The following FOCAD variants were observed in gnomAD, a reference collection of about 807,000 sequenced individuals.
The protein encoded by FOCAD is focadhesin, also known as KIAA1797.
In FOCAD, 198 loss-of-function variants were observed where a neutral mutation model predicts 225.6. The ratio of observed to expected loss-of-function variants is 0.88; its 90% confidence interval spans 0.78 to 0.99. FOCAD has a LOEUF of 0.99. FOCAD is among the 50% of genes least tolerant of loss of function. The probability of loss-of-function intolerance (pLI) is 0.00; values close to 1 mark genes in which losing one functional copy is unlikely to be tolerated. For missense variants in FOCAD, 2,713 were observed against 2,123.6 expected (o/e 1.28, Z -5.46); for synonymous variants, 897 against 755.0 (o/e 1.19, Z -3.08).
At chr9:20,755,067 G>T (rs765190164) in intron 5 of FOCAD, among the ~76,000 whole-genome samples, 1 of 152,144 alleles carries the variant, frequency 6.6e-6, no homozygotes, top group Non-Finnish European at 1.5e-5. Context: ...TGGTATGTTA[G>T]TAATCAAATG....
rs567635219 is a variant in FOCAD at position 20,809,602 on chromosome 9, A to G, written c.1456-10194A>G. On this transcript the variant is annotated intron_variant, in intron 11 of 43. Transcript: ENST00000338382. ...TTTTGTATACCTCAAAGACTATCTT[A>G]AAATGTTTCCTTGTTCTTTTGTCTT... is the stretch of plus-strand genomic sequence containing the variant. Among the ~76,000 whole-genome samples, 4 of 152,300 alleles carry G rather than the reference A, an allele frequency of 2.6e-5. No individual in the cohort carries two copies. In the East Asian group the frequency reaches 7.7e-4, roughly 29 times the overall value.
chr9:20,931,039 CTCATT>C (rs1345930865), intron 27 of FOCAD, among the ~76,000 whole-genome samples: 4 of 152,180 alleles, frequency 2.6e-5, no homozygotes, highest in African/African-American at 9.7e-5. Context: ...TTCTAGGCAA[CTCATT>C]TCATCCTATT....
At chr9:20,780,466 T>C (rs1819256609) in intron 9 of FOCAD, among the ~76,000 whole-genome samples, 1 of 152,222 alleles carries the variant, frequency 6.6e-6, no homozygotes, top group Non-Finnish European at 1.5e-5. Flanking sequence ...CGTAAACCAA[T>C]ATCTCTGATT....
intron 21 of FOCAD, among the ~76,000 whole-genome samples, chr9:20,887,669 A>G (rs556241504): frequency 6.6e-5 from 10 of 152,324 alleles, no homozygotes; most frequent in African/African-American, 2.2e-4. Context: ...CTGTGTGAAC[A>G]TTCATTTTTC....
intron 1 of FOCAD, among the ~76,000 whole-genome samples, chr9:20,713,774 A>G (rs1825070083): frequency 6.6e-6 from 1 of 152,164 alleles, no homozygotes; most frequent in Admixed American, 6.5e-5. Flanking sequence ...ACCCATGGAG[A>G]TATTTTTTTC....
At chr9:20,809,490 G>C (rs1219786194) in intron 11 of FOCAD, among the ~76,000 whole-genome samples, 1 of 151,988 alleles carries the variant, frequency 6.6e-6, no homozygotes, top group African/African-American at 2.4e-5. Flanking sequence ...GCCAAATGTG[G>C]CTAGTGGCTA....
chr9:20,658,091 GGGGTCA>G (rs1363879859), upstream of FOCAD, among the ~76,000 whole-genome samples: 9 of 150,218 alleles, frequency 6.0e-5, no homozygotes, highest in South Asian at 4.3e-4. Flanking sequence ...AGGCTGCTCA[GGGGTCA>G]GGGGTCAGGG....
chr9:20,904,492 G>C (rs1053652716), intron 21 of FOCAD, among the ~76,000 whole-genome samples: 2 of 151,792 alleles, frequency 1.3e-5, no homozygotes, highest in Admixed American at 1.3e-4. Flanking sequence ...TCGCATCCCT[G>C]CCCTCACCTC....
chr9:20,894,969 T>C (rs1340347962), intron 21 of FOCAD, among the ~76,000 whole-genome samples: 1 of 152,098 alleles, frequency 6.6e-6, no homozygotes, highest in Non-Finnish European at 1.5e-5. Context: ...TTTACGTTGA[T>C]ATCTATAATC....
At chr9:20,787,126 C>T (rs1334940913) in intron 10 of FOCAD, 4 of 196,982 alleles carry the variant, frequency 2.0e-5, no homozygotes, top group Non-Finnish European at 3.2e-5. Context: ...GAGCCTAAAC[C>T]TGGACATAAC....
intron 15 of FOCAD, among the ~76,000 whole-genome samples, chr9:20,831,950 T>C (rs938650243): frequency 6.6e-6 from 1 of 152,080 alleles, no homozygotes; most frequent in Non-Finnish European, 1.5e-5. Context: ...AGTCATACAA[T>C]ATATTGCCCT....
At chr9:20,778,560 T>C (rs1356424553) in intron 8 of FOCAD, 121 bp from the exon 9 acceptor site, 46 of 581,276 alleles carry the variant, frequency 7.9e-5, no homozygotes, top group Non-Finnish European at 1.2e-4. Context: ...GCTGTATAAA[T>C]AAATTTGTGT....
At chr9:20,951,573 T>C (rs1272125502) in intron 34 of FOCAD, among the ~76,000 whole-genome samples, 2 of 152,198 alleles carry the variant, frequency 1.3e-5, no homozygotes, top group African/African-American at 4.8e-5. Context: ...TCTTCATATA[T>C]GGCTGGAGTT....
chr9:20,913,099 G>T, intron 23 of FOCAD, 145 bp downstream of exon 23: 2 of 566,426 alleles, frequency 3.5e-6, no homozygotes, highest in South Asian at 2.1e-5. Context: ...GCTGATAGGT[G>T]TATTCCCTAG....
intron 21 of FOCAD, among the ~76,000 whole-genome samples, chr9:20,885,955 G>A (rs996988755): frequency 2.0e-5 from 3 of 152,162 alleles, no homozygotes; most frequent in African/African-American, 2.4e-5. Context: ...TATATGAATT[G>A]TAAAGATTTA....
At chr9:20,793,471 G>T (rs1225612837) in intron 11 of FOCAD, among the ~76,000 whole-genome samples, 1 of 152,070 alleles carries the variant, frequency 6.6e-6, no homozygotes, top group African/African-American at 2.4e-5. Flanking sequence ...GTTAGTGTTG[G>T]GCTGTTACTT....
chr9:20,837,283 A>T (rs1826082104), intron 15 of FOCAD, among the ~76,000 whole-genome samples: 1 of 152,080 alleles, frequency 6.6e-6, no homozygotes, highest in Admixed American at 6.6e-5. Flanking sequence ...AAGGCTGTTC[A>T]GGGTGTCCAG....
intron 8 of FOCAD, among the ~76,000 whole-genome samples, chr9:20,776,469 A>T (rs149461898): frequency 6.0e-4 from 91 of 152,342 alleles, no homozygotes; most frequent in African/African-American, 2.1e-3. Flanking sequence ...AAATCAATCA[A>T]TCAAAAAACT....
chr9:20,951,024 T>A lies in FOCAD; in HGVS notation c.3977T>A (p.Leu1326His), dbSNP rs770504539. 18 of 1,613,554 alleles carry A rather than the reference T, an allele frequency of 1.1e-5. No homozygotes were observed. In the East Asian group the frequency reaches 4.0e-4, roughly 36 times the overall value. Residue 1326 changes from leucine to histidine, a missense_variant, in exon 34 of 44, where the codon CTC (leucine) becomes CAC (histidine). Physicochemically the swap from Leu to His is moderately conservative, Grantham distance 99 (BLOSUM62 -3). Transcript: ENST00000338382. The part of the protein sequence containing the change: ...QVISVSGVIG[L>H]QSNAVWLLGH... Reference sequence around the variant, plus strand: ...ATTAGTGTCTCTGGGGTGATTGGTCTCCAGTCAAATGCAGTCTGGCTTCTT... The same window carrying A: ...ATTAGTGTCTCTGGGGTGATTGGTCACCAGTCAAATGCAGTCTGGCTTCTT...
Sources: allele counts gnomAD v4.1 joint callset (sites outside exome capture counted in the v4.1 genomes callset), GRCh38; gene constraint gnomAD v4.1.1; transcripts MANE v1.5; gene names NCBI Gene and HGNC (gene_info 2026-07-23, HGNC 2026-07-21).